Variants in CALN1 observed in about 807,000 individuals in gnomAD.
CALN1 encodes the protein calcium-binding protein 8.
Under a neutral mutation model 30.6 loss-of-function variants are expected in CALN1, and 17 were observed. The ratio of observed to expected loss-of-function variants is 0.56; its 90% CI spans 0.38 to 0.83. The LOEUF is 0.83. Ranked by LOEUF, CALN1 falls within the 40% of genes least tolerant of loss-of-function variation. The pLI, the probability that CALN1 is intolerant of heterozygous loss-of-function variation, is 0.00. For missense variants in CALN1, 291 were observed against 354.9 expected (o/e 0.82, Z 1.45); for synonymous variants, 156 against 131.4 (o/e 1.19, Z -1.28).
intron 3 of CALN1, among the ~76,000 whole-genome samples, chr7:72,132,952 C>T (rs1481431777): frequency 6.6e-6 from 1 of 152,084 alleles, no homozygotes; most frequent in Admixed American, 6.6e-5. Flanking sequence ...GCATTGGATT[C>T]TCATAGGAGC....
chr7:72,321,879 TAAACA>T (rs1800905965), intron 2 of CALN1, among the ~76,000 whole-genome samples: 1 of 152,154 alleles, frequency 6.6e-6, no homozygotes, highest in Non-Finnish European at 1.5e-5. Flanking sequence ...TCTGTGACTC[TAAACA>T]AATCACCCTG....
chr7:72,030,202 T>C (rs1357590619), intron 4 of CALN1, among the ~76,000 whole-genome samples: 1 of 151,702 alleles, frequency 6.6e-6, no homozygotes, highest in Non-Finnish European at 1.5e-5. Flanking sequence ...GGGAAAACAG[T>C]CTTCTTTTCT....
At chr7:72,183,511 G>T (rs1390872176) in intron 3 of CALN1, among the ~76,000 whole-genome samples, 1 of 152,166 alleles carries the variant, frequency 6.6e-6, no homozygotes, top group East Asian at 1.9e-4. Context: ...CTTGGTGACT[G>T]CTAAAATGCG....
In CALN1 at chr7:72,088,779, A is replaced by AGGATG. The variant is rs1228104497; in HGVS notation, c.388+17371_388+17372insCATCC. Among the ~76,000 whole-genome samples, 16 of 74,520 alleles carry AGGATG rather than the reference A, an allele frequency of 2.1e-4. No individual in the cohort carries two copies. In the Admixed American group the frequency reaches 2.6e-3, roughly 12 times the overall value. The allele number at this position is 74,520 out of a possible 152,430, so 48.9% of individuals were successfully genotyped here. ...GAAGAGAAGGAAGAGAAGTAAGAGA[A>AGGATG]GGAAGGGAAGGAAGGAAGGAGGTTA... On this transcript the variant is annotated intron_variant, in intron 4 of 6. Transcript: ENST00000395275.
intron 3 of CALN1, among the ~76,000 whole-genome samples, chr7:72,143,020 G>A (rs572663648): frequency 3.9e-5 from 6 of 152,146 alleles, no homozygotes; most frequent in South Asian, 4.1e-4. Flanking sequence ...CCACAAAGAT[G>A]GGGAAAAAAC....
upstream of CALN1, among the ~76,000 whole-genome samples, chr7:72,447,320 C>CA (rs1388361200): frequency 1.3e-5 from 2 of 152,138 alleles, no homozygotes; most frequent in East Asian, 3.9e-4. Context: ...GCAGCCCTCT[C>CA]ACTCCAGCAA....
chr7:72,090,141 A>G (rs2129539697), intron 4 of CALN1, among the ~76,000 whole-genome samples: 1 of 152,200 alleles, frequency 6.6e-6, no homozygotes, highest in South Asian at 2.1e-4. Flanking sequence ...CTACTAAAAA[A>G]AAGTACAAAA....
In CALN1 at chr7:72,109,988, C is replaced by T. The variant is rs149817405; in HGVS notation, c.245-3694G>A. Among the ~76,000 whole-genome samples the T allele has an allele frequency of 1.3e-3, 205 of 152,340 alleles. 1 individual carries two copies. Among genetic ancestry groups the T allele is most frequent in the African/African-American group, 4.7e-3 (196 of 41,588 alleles). ...TGTCAGAGGATGACAAGGTCTGCGG[C>T]TGCAGTTACTGGATAGCCAGTTGTA... On this transcript the variant is annotated intron_variant, in intron 3 of 6. Transcript: ENST00000395275.
chr7:71,942,078 A>G (rs1033028519), intron 5 of CALN1, among the ~76,000 whole-genome samples: 8 of 152,144 alleles, frequency 5.3e-5, no homozygotes, highest in Admixed American at 4.6e-4. Flanking sequence ...GCACACCTGT[A>G]GTCCCAGCTA....
At chr7:72,106,401 G>T in intron 3 of CALN1, 107 bp from the exon 4 acceptor site, 1 of 1,348,616 alleles carries the variant, frequency 7.4e-7, no homozygotes, top group South Asian at 1.4e-5. Context: ...TAAAAACAGT[G>T]ATTTGTTAAA....
chr7:72,080,116 A>C (rs978665640), intron 4 of CALN1, among the ~76,000 whole-genome samples: 1 of 152,202 alleles, frequency 6.6e-6, no homozygotes, highest in African/African-American at 2.4e-5. Context: ...CCCCACCTTC[A>C]GATCATACTA....
At chr7:71,864,516 G>C (rs1332128348) in intron 5 of CALN1, among the ~76,000 whole-genome samples, 1 of 152,172 alleles carries the variant, frequency 6.6e-6, no homozygotes, top group Non-Finnish European at 1.5e-5. Context: ...CCGTGAATTA[G>C]AACGAACCTG....
At chr7:72,255,289 C>T (rs959495960) in intron 3 of CALN1, among the ~76,000 whole-genome samples, 1 of 152,014 alleles carries the variant, frequency 6.6e-6, no homozygotes, top group African/African-American at 2.4e-5. Flanking sequence ...GACAGGGTTT[C>T]ACCACGTTAG....
intron 2 of CALN1, among the ~76,000 whole-genome samples, chr7:72,305,784 C>T (rs1799605547): frequency 1.3e-5 from 2 of 152,202 alleles, no homozygotes; most frequent in Non-Finnish European, 2.9e-5. Context: ...AGCCTGAAGG[C>T]TGGATGTCTA....
intron 2 of CALN1, among the ~76,000 whole-genome samples, chr7:72,347,330 G>A (rs143203558): frequency 3.1e-3 from 471 of 150,944 alleles, no homozygotes; most frequent in African/African-American, 0.011. Context: ...TCACTGCAGC[G>A]ATCTCAGCTC....
chr7:72,476,273 G>A, the CALN1 span, among the ~76,000 whole-genome samples: 10 of 152,128 alleles, frequency 6.6e-5, no homozygotes, highest in Admixed American at 3.3e-4. Context: ...ATGCCGCCAC[G>A]TAAGATGTGC....
In CALN1 at chr7:72,403,436, T is replaced by G; in HGVS notation, c.-67A>C. 1 of 1,297,852 alleles carries G rather than the reference T, an allele frequency of 7.7e-7. No homozygotes were observed. Among genetic ancestry groups the G allele is most frequent in the Non-Finnish European group, 1.1e-6 (1 of 943,118 alleles). 80.4% of individuals were successfully genotyped at this position (1,297,852 alleles called of 1,614,324 possible). ...ATCAAAGGAACGTCAGCGAAGGCAC[T>G]GAGACTCTGAAAGGAGTTGACAGAA... On this transcript the variant is annotated 5_prime_UTR_variant, in exon 2 of 7. Transcript: ENST00000395275.
intron 3 of CALN1, among the ~76,000 whole-genome samples, chr7:72,169,295 A>G (rs773534943): frequency 6.5e-4 from 99 of 151,434 alleles, no homozygotes; most frequent in Admixed American, 7.2e-4. Flanking sequence ...TCTTGTTTTT[A>G]TCTTTTTGCT....
chr7:71,945,754 C>T (rs2129523377), intron 5 of CALN1, among the ~76,000 whole-genome samples: 1 of 152,330 alleles, frequency 6.6e-6, no homozygotes, highest in East Asian at 1.9e-4. Context: ...ACTGATTCTA[C>T]ATGATGTGTA....
Sources: gnomAD v4.1 joint callset for allele counts (sites outside exome capture counted in the v4.1 genomes callset) on GRCh38, gnomAD v4.1.1 for gene constraint, MANE v1.5 for transcripts, NCBI Gene and HGNC (gene_info 2026-07-23, HGNC 2026-07-21) for gene names.